Variants in ANKRD36B observed in about 807,000 individuals in gnomAD.
The protein encoded by ANKRD36B is ankyrin repeat domain-containing protein 36B.
A neutral mutation model predicts 135.7 loss-of-function variants in ANKRD36B; 37 were observed. That is an observed-to-expected ratio of 0.27 (90% CI 0.21 to 0.36). The LOEUF (loss-of-function observed/expected upper bound fraction) is 0.36. ANKRD36B is among the 10% of genes least tolerant of loss of function. The probability of loss-of-function intolerance (pLI) is 1.00; values close to 1 mark genes in which losing one functional copy is unlikely to be tolerated. For missense variants in ANKRD36B, 549 were observed against 1,037.1 expected, an observed-to-expected ratio of 0.53 and a Z score of 6.46; for synonymous variants, 179 against 348.1, an observed-to-expected ratio of 0.51 and a Z score of 5.41.
intron 18 of ANKRD36B, among the ~76,000 whole-genome samples, chr2:97,550,702 G>A (rs1162194583): frequency 6.6e-6 from 1 of 151,882 alleles, no homozygotes; most frequent in East Asian, 1.9e-4. Flanking sequence ...ACTTGCTGGA[G>A]TTGCCAAAAT....
At chr2:97,530,826 C>T (rs2078539283) in intron 35 of ANKRD36B, among the ~76,000 whole-genome samples, 2 of 97,656 alleles carry the variant, frequency 2.0e-5, no homozygotes, top group Admixed American at 9.0e-5. Flanking sequence ...CACTGGCCAT[C>T]AGAGAAATGC....
At chr2:97,586,144 T>C (rs2082970830) in intron 1 of ANKRD36B, among the ~76,000 whole-genome samples, 1 of 152,138 alleles carries the variant, frequency 6.6e-6, no homozygotes, top group Non-Finnish European at 1.5e-5. Flanking sequence ...AATGAAGTAC[T>C]GTGGAAAAAG....
rs796087436 is a variant in ANKRD36B, at chr2:97,559,012, A to T, written c.866-18T>A. On this transcript the variant is annotated intron_variant, in intron 8 of 43. Transcript: ENST00000359901. ...AGAAGACACTGAAAAGCAAAAGGGA[A>T]ACATAATCACTCACATGTACATATG... The T allele has an allele frequency of 1.8e-5, 29 of 1,602,968 alleles. No homozygotes were observed. The highest frequency in any genetic ancestry group is 8.4e-5 in the Admixed American group (5 of 59,688).
In ANKRD36B at chr2:97,579,089, A is replaced by G; in HGVS notation, c.558-46T>C. On this transcript the variant is annotated intron_variant, in intron 4 of 43. Coordinates refer to ENST00000359901, the MANE Select transcript of ANKRD36B (RefSeq NM_001393939.1). ...TTAAAAACTTTAATGACATTTTAAA[A>G]GCTAAGTTTATATACTTTATCAACT... 3 of 1,539,466 alleles carry G rather than the reference A, an allele frequency of 1.9e-6. No homozygotes were observed. The South Asian group carries it at 3.6e-5, about 18-fold the overall frequency.
At chr2:97,567,840 T>G (rs1246358194) in intron 6 of ANKRD36B, among the ~76,000 whole-genome samples, 2 of 152,182 alleles carry the variant, frequency 1.3e-5, no homozygotes, top group African/African-American at 4.8e-5. Flanking sequence ...AACAATATCA[T>G]CATGGTTCAC....
At chr2:97,582,324 A>G (rs1253997741) in intron 3 of ANKRD36B, among the ~76,000 whole-genome samples, 1 of 152,008 alleles carries the variant, frequency 6.6e-6, no homozygotes, top group Non-Finnish European at 1.5e-5. Flanking sequence ...TATAAAATAT[A>G]GACTCTACAT....
Position 97,538,255 on chromosome 2 carries a change from A to C in ANKRD36B, c.2017-15T>G, listed in dbSNP as rs1252082691. The C allele has an allele frequency of 3.1e-6, 3 of 957,776 alleles. 1 individual carries two copies. In the African/African-American group the frequency reaches 5.1e-5, roughly 16 times the overall value. 59.3% of individuals were successfully genotyped at this position (957,776 alleles called of 1,614,324 possible). ...TTAAATATAACCTGAATGGAAAGAG[A>C]AACAAAATAGTCAATACATAATATA... On this transcript the variant is annotated splice_polypyrimidine_tract_variant and intron_variant, in intron 31 of 43. Transcript: ENST00000359901.
chr2:97,551,514 T>C (rs765589914), intron 16 of ANKRD36B, 34 bp from the exon 17 acceptor site: 2 of 1,606,984 alleles, frequency 1.2e-6, no homozygotes, highest in South Asian at 2.2e-5. Flanking sequence ...ATCACTCATA[T>C]GTAACTATGA....
At chr2:97,582,725 G>A (rs552209916) in intron 3 of ANKRD36B, among the ~76,000 whole-genome samples, 7 of 152,144 alleles carry the variant, frequency 4.6e-5, no homozygotes, top group East Asian at 2.0e-4. Context: ...TGTATGTAAA[G>A]CAAGTATTTT....
At chr2:97,554,561 A>G (rs1216475473) in intron 14 of ANKRD36B, among the ~76,000 whole-genome samples, 2 of 151,920 alleles carry the variant, frequency 1.3e-5, no homozygotes, top group Non-Finnish European at 2.9e-5. Context: ...AAAATTACAT[A>G]AATAACTTCA....
Position 97,551,463 on chromosome 2 carries a change from G to A in ANKRD36B, c.1291C>T (p.Pro431Ser). The A allele has an allele frequency of 6.2e-7, 1 of 1,607,376 alleles. No individual in the cohort carries two copies. Among genetic ancestry groups the A allele is most frequent in the Non-Finnish European group, 8.5e-7 (1 of 1,178,758 alleles). ...GAGAGTTTCATTACCTTCAAGGCTG[G>A]TTTTTTCTGAGAAGACACTGAAAAG... is the stretch of plus-strand genomic sequence containing the variant. Reference protein sequence around the residue: ...KSGTVSSQKKPALKATSDEKD... With the variant: ...KSGTVSSQKKSALKATSDEKD... The change falls in exon 17 of 44, where the codon CCA (proline) becomes TCA (serine). Residue 431 changes from proline to serine, a missense_variant. By Grantham distance (74) the Pro-to-Ser change is moderately conservative. Coordinates refer to ENST00000359901, the MANE Select transcript of ANKRD36B (RefSeq NM_001393939.1).
chr2:97,544,488 A>C (rs960460897), intron 24 of ANKRD36B, among the ~76,000 whole-genome samples: 2 of 95,140 alleles, frequency 2.1e-5, no homozygotes, highest in African/African-American at 6.3e-5. Context: ...ACGTCTCTTC[A>C]GTGGAAGTGT....
intron 6 of ANKRD36B, among the ~76,000 whole-genome samples, chr2:97,571,513 G>A (rs1439632069): frequency 6.6e-6 from 1 of 152,088 alleles, no homozygotes; most frequent in Non-Finnish European, 1.5e-5. Flanking sequence ...GGGCGTGGTG[G>A]TGCATGCCTG....
Position 97,559,007 on chromosome 2 carries a change from A to G in ANKRD36B, c.866-13T>C, listed in dbSNP as rs1369415966. ...TTCTGAGAAGACACTGAAAAGCAAAAGGGAAACATAATCACTCACATGTAC... is the reference window on the plus strand; with the variant it reads ...TTCTGAGAAGACACTGAAAAGCAAAGGGGAAACATAATCACTCACATGTAC... On this transcript the variant is annotated splice_polypyrimidine_tract_variant and intron_variant, in intron 8 of 43. Transcript: ENST00000359901. The G allele has an allele frequency of 1.1e-5, 17 of 1,603,046 alleles. No homozygotes were observed. The highest frequency in any genetic ancestry group is 1.4e-5 in the Non-Finnish European group (16 of 1,178,394).
Position 97,587,226 on chromosome 2 carries a change from T to C in ANKRD36B, c.162-1828A>G, listed in dbSNP as rs941942753. Reference sequence around the variant, plus strand: ...ATAATAAAATAGAAACTGAGAATTTTTTTTCTTTGCAAGATTTATATTTCT... The same window carrying C: ...ATAATAAAATAGAAACTGAGAATTTCTTTTCTTTGCAAGATTTATATTTCT... On this transcript the variant is annotated intron_variant, in intron 1 of 43. Transcript: ENST00000359901. Among the ~76,000 whole-genome samples, 14 of 152,110 alleles carry C rather than the reference T, an allele frequency of 9.2e-5. 1 individual carries two copies. The highest frequency in any genetic ancestry group is 3.4e-4 in the African/African-American group (14 of 41,424).
intron 35 of ANKRD36B, among the ~76,000 whole-genome samples, chr2:97,527,536 T>A (rs1415448806): frequency 1.1e-5 from 1 of 92,408 alleles, no homozygotes; most frequent in Non-Finnish European, 2.8e-5. Context: ...AATGCCAGGA[T>A]GAAATTCACA....
At chr2:97,568,907 T>C (rs1203114397) in intron 6 of ANKRD36B, among the ~76,000 whole-genome samples, 1 of 152,176 alleles carries the variant, frequency 6.6e-6, no homozygotes, top group African/African-American at 2.4e-5. Flanking sequence ...GTTATAATAA[T>C]ATAGACTGTT....
chr2:97,525,623 AG>A (rs1313407579), intron 35 of ANKRD36B, among the ~76,000 whole-genome samples: 1 of 97,002 alleles, frequency 1.0e-5, no homozygotes, highest in East Asian at 2.3e-4. Flanking sequence ...AGGAAGTGGA[AG>A]GGGTCAGGGA....
At chr2:97,574,511 G>C (rs549980242) in intron 6 of ANKRD36B, among the ~76,000 whole-genome samples, 9,115 of 152,102 alleles carry the variant, frequency 0.06, 672 homozygotes, top group African/African-American at 0.17. Context: ...ACTAGAAATA[G>C]CATTTGACCC....
Sources: allele counts gnomAD v4.1 joint callset (sites outside exome capture counted in the v4.1 genomes callset), GRCh38; gene constraint gnomAD v4.1.1; transcripts MANE v1.5; gene names NCBI Gene and HGNC (gene_info 2026-07-23, HGNC 2026-07-21).